Variants in DSCAML1 observed in about 807,000 individuals in gnomAD.
DSCAML1 encodes cell adhesion molecule DSCAML1.
In DSCAML1, 38 loss-of-function variants were observed where a neutral mutation model predicts 200.5. The ratio of observed to expected loss-of-function variants is 0.19; its 90% confidence interval spans 0.15 to 0.25. The LOEUF (loss-of-function observed/expected upper bound fraction) is 0.25. Among genes scored for constraint, DSCAML1 ranks in the 10% least tolerant of loss-of-function variants. The pLI is 1.00. For synonymous variants in DSCAML1, 1,215 were observed against 1,165.0 expected (o/e 1.04, Z -0.87); for missense variants, 2,223 against 2,858.8 (o/e 0.78, Z 5.07).
intron 3 of DSCAML1, among the ~76,000 whole-genome samples, chr11:117,737,297 T>C (rs371236467): frequency 1.3e-5 from 2 of 152,330 alleles, no homozygotes; most frequent in African/African-American, 4.8e-5. Flanking sequence ...CTTTTCAGGA[T>C]TTAAAGTCTG....
chr11:117,445,893 T>C lies in DSCAML1; in HGVS notation c.3709-1854A>G, dbSNP rs138708951. Among the ~76,000 whole-genome samples, 242 of 152,216 alleles carry C rather than the reference T, an allele frequency of 1.6e-3. 1 individual carries two copies. The highest frequency in any genetic ancestry group is 5.4e-3 in the African/African-American group (225 of 41,540). ...AATCATGTTCAAAAGCACACAGACA[T>C]AGCCCCAAATAAAGTTCCAGTGGAT... On this transcript the variant is annotated intron_variant, in intron 20 of 32. Transcript: ENST00000651296.
intron 3 of DSCAML1, among the ~76,000 whole-genome samples, chr11:117,577,507 C>CCTTCCT (rs2050964368): frequency 3.1e-5 from 1 of 32,428 alleles, no homozygotes; most frequent in African/African-American, 9.5e-5. Context: ...CCTTCCTTCC[C>CCTTCCT]TCCTTCCTTC....
intron 3 of DSCAML1, among the ~76,000 whole-genome samples, chr11:117,639,019 T>C (rs936470410): frequency 2.6e-5 from 4 of 152,194 alleles, no homozygotes; most frequent in Non-Finnish European, 5.9e-5. Flanking sequence ...GATTTCTACA[T>C]CCTGGACAGC....
Position 117,518,666 on chromosome 11 carries a change from G to A in DSCAML1, c.1310C>T (p.Pro437Leu), listed in dbSNP as rs1337299507. 7.4e-6 allele frequency: 12 copies of A among 1,613,290 alleles called. No individual in the cohort carries two copies. Among genetic ancestry groups the A allele is most frequent in the Admixed American group, 1.7e-5 (1 of 59,976 alleles). ...LMCAAKGAPP[P>L]TVTWALDDEP... ...ATCGTCGAGGGCCCAGGTGACCGTG[G>A]GGGGCGGGGCGCCCTTGGCCGCACA... Residue 437 changes from proline (P) to leucine (L), a missense_variant, in exon 7 of 33, where the codon CCC becomes CTC. By Grantham distance (98) the Pro-to-Leu change is moderately conservative. Coordinates refer to ENST00000651296, the MANE Select transcript of DSCAML1 (RefSeq NM_020693.4). This position sits in a 1 kb window ranked among gnomAD's most constrained non-coding sequence, Gnocchi z 6.3.
chr11:117,581,994 G>A (rs12282990), intron 3 of DSCAML1, among the ~76,000 whole-genome samples: 10,141 of 152,170 alleles, frequency 0.067, 1,123 homozygotes, highest in African/African-American at 0.23. Flanking sequence ...CCTGTAAGGA[G>A]CACACCACAG....
intron 3 of DSCAML1, among the ~76,000 whole-genome samples, chr11:117,586,479 T>C (rs1337946721): frequency 6.6e-6 from 1 of 152,232 alleles, no homozygotes; most frequent in East Asian, 1.9e-4. Context: ...GGACAGCCTG[T>C]TCTTTGACAC....
intron 3 of DSCAML1, among the ~76,000 whole-genome samples, chr11:117,673,047 C>T (rs1223344570): frequency 6.6e-6 from 1 of 152,160 alleles, no homozygotes; most frequent in Non-Finnish European, 1.5e-5. Flanking sequence ...TTGCTCATCT[C>T]CTCGGGCAAT....
intron 3 of DSCAML1, among the ~76,000 whole-genome samples, chr11:117,763,571 C>T (rs2054843672): frequency 6.6e-6 from 1 of 152,092 alleles, no homozygotes; most frequent in African/African-American, 2.4e-5. Context: ...ACTCACGCAG[C>T]ATCACTTATA....
chr11:117,458,725 G>A (rs918388099), intron 19 of DSCAML1, 29 bp downstream of exon 19: 9 of 1,607,406 alleles, frequency 5.6e-6, no homozygotes, highest in Non-Finnish European at 6.8e-6. Flanking sequence ...GGCAGGGCCA[G>A]CCTGTCCCAA....
rs1274392338 is a variant in DSCAML1, at chr11:117,758,565, G to C, written c.511+18226C>G. On this transcript the variant is annotated intron_variant, in intron 3 of 32. Transcript: ENST00000651296. ...TACAGGCGCCTACCACCACGTCCGG[G>C]TAATTTTTTTGTATTTTTAGTAGAG... Among the ~76,000 whole-genome samples, 6 of 151,850 alleles carry C rather than the reference G, an allele frequency of 4.0e-5. No individual in the cohort carries two copies. In the East Asian group the frequency reaches 9.9e-4, roughly 25 times the overall value.
intron 3 of DSCAML1, among the ~76,000 whole-genome samples, chr11:117,694,078 T>TATACAC (rs61622292): frequency 2.6e-5 from 1 of 38,692 alleles, no homozygotes; most frequent in African/African-American, 5.2e-5. Context: ...TATATATATA[T>TATACAC]ACACATATAT....
intron 11 of DSCAML1, among the ~76,000 whole-genome samples, chr11:117,484,758 G>T (rs550222451): frequency 6.6e-6 from 1 of 152,336 alleles, no homozygotes; most frequent in East Asian, 1.9e-4. Context: ...ATTGAGCTCG[G>T]GTGTCGGGGA....
chr11:117,751,417 C>T (rs1475900454), intron 3 of DSCAML1, among the ~76,000 whole-genome samples: 1 of 149,106 alleles, frequency 6.7e-6, no homozygotes, highest in Non-Finnish European at 1.5e-5. Context: ...TTCTCTGTTG[C>T]CATGGTGATT....
intron 30 of DSCAML1, among the ~76,000 whole-genome samples, chr11:117,431,951 C>T (rs1222201486): frequency 6.6e-6 from 1 of 152,140 alleles, no homozygotes; most frequent in Admixed American, 6.5e-5. Context: ...TTCTCCCCGC[C>T]CACCCCATCT....
At chr11:117,751,881 C>T (rs561767213) in intron 3 of DSCAML1, among the ~76,000 whole-genome samples, 59 of 152,228 alleles carry the variant, frequency 3.9e-4, no homozygotes, top group African/African-American at 1.3e-3. Flanking sequence ...CTCCCCACAC[C>T]AGGTCTATGT....
intron 3 of DSCAML1, among the ~76,000 whole-genome samples, chr11:117,775,545 C>T (rs891534501): frequency 6.6e-6 from 1 of 152,056 alleles, no homozygotes; most frequent in African/African-American, 2.4e-5. Flanking sequence ...TGGCCATCTG[C>T]TTGGAACTGA....
intron 3 of DSCAML1, among the ~76,000 whole-genome samples, chr11:117,575,905 C>A (rs955700200): frequency 1.3e-5 from 2 of 151,354 alleles, no homozygotes; most frequent in African/African-American, 4.9e-5. Context: ...AACAAGCAAG[C>A]AAGCAAAGGC....
rs188072682 is a variant in DSCAML1, at chr11:117,755,394, C to G, written c.511+21397G>C. Among the ~76,000 whole-genome samples, 17 of 152,258 alleles carry G rather than the reference C, an allele frequency of 1.1e-4. No homozygotes were observed. In the East Asian group the frequency reaches 2.1e-3, roughly 19 times the overall value. On this transcript the variant is annotated intron_variant, in intron 3 of 32. Coordinates refer to ENST00000651296, the MANE Select transcript of DSCAML1 (RefSeq NM_020693.4). The stretch of plus-strand genomic sequence containing the variant: ...GGTTGAGGTGAGGCCAAAGAGATAA[C>G]GCTTGTGAAATAATTTTCTATCAGC...
At chr11:117,700,211 C>A (rs1011981146) in intron 3 of DSCAML1, among the ~76,000 whole-genome samples, 4 of 152,202 alleles carry the variant, frequency 2.6e-5, no homozygotes, top group African/African-American at 7.2e-5. Flanking sequence ...CATAACAGTG[C>A]TCTACAATGT....
Sources: allele counts gnomAD v4.1 joint callset (sites outside exome capture counted in the v4.1 genomes callset), GRCh38; gene constraint gnomAD v4.1.1; non-coding constraint Gnocchi (gnomAD v3.1); transcripts MANE v1.5; gene names NCBI Gene and HGNC (gene_info 2026-07-23, HGNC 2026-07-21).